The following FMN1 variants were observed in gnomAD, a reference collection of about 807,000 sequenced individuals.
FMN1 encodes formin-1.
FMN1 carries 110 observed loss-of-function variants against 132.4 expected under a neutral mutation model. The ratio of observed to expected loss-of-function variants is 0.83; its 90% CI spans 0.71 to 0.97. The LOEUF (loss-of-function observed/expected upper bound fraction) is 0.97. Ranked by LOEUF, FMN1 falls within the 50% of genes least tolerant of loss-of-function variation. FMN1 has a pLI of 0.00. For missense variants in FMN1, 1,792 were observed against 1,705.3 expected (o/e 1.05, Z -0.90); for synonymous variants, 722 against 651.7 (o/e 1.11, Z -1.64).
At chr15:32,961,254 C>T (rs2030505182) in intron 9 of FMN1, among the ~76,000 whole-genome samples, 1 of 151,606 alleles carries the variant, frequency 6.6e-6, no homozygotes, top group Admixed American at 6.6e-5. Context: ...CTGCCTCAGC[C>T]TCCCGAGTAG....
chr15:33,019,825 G>C (rs760873595), intron 6 of FMN1, among the ~76,000 whole-genome samples: 1 of 152,248 alleles, frequency 6.6e-6, no homozygotes. Flanking sequence ...CGCAAGCACC[G>C]CGTGCAGCCC....
intron 9 of FMN1, among the ~76,000 whole-genome samples, chr15:32,941,941 G>GCTTT (rs1392633659): frequency 6.6e-6 from 1 of 152,152 alleles, no homozygotes; most frequent in Non-Finnish European, 1.5e-5. Flanking sequence ...GCAGCACATG[G>GCTTT]CTTTCTCCTA....
rs560858406 is a variant in FMN1, at chr15:33,125,818, TTCA to T, written c.1867+27227_1867+27229del. ...CTGAGCCCTTCCTATTTTCATGTAG[TTCA>T]TCAAGAATGTGCTTCATCAGTAATA... On this transcript the variant is annotated intron_variant, in intron 4 of 20. Transcript: ENST00000616417. Among the ~76,000 whole-genome samples the T allele has an allele frequency of 1.6e-3, 241 of 152,372 alleles. 1 individual carries two copies. The highest frequency in any genetic ancestry group is 5.5e-3 in the African/African-American group (230 of 41,590).
intron 17 of FMN1, among the ~76,000 whole-genome samples, chr15:32,825,521 C>G (rs1250768217): frequency 1.3e-5 from 2 of 152,210 alleles, no homozygotes; most frequent in African/African-American, 4.8e-5. Context: ...TCTCCCTACT[C>G]TTTTAAAGTA....
At chr15:33,175,569 C>T (rs191029963) in intron 3 of FMN1, among the ~76,000 whole-genome samples, 90 of 152,274 alleles carry the variant, frequency 5.9e-4, no homozygotes, top group Admixed American at 2.4e-3. Context: ...TTCCCATTTC[C>T]TTTGCTTTTA....
rs935264361 is a variant in FMN1, at chr15:33,153,206, G to A, written c.1709C>T (p.Thr570Ile). 1.2e-5 allele frequency: 19 copies of A among 1,535,944 alleles called. No homozygotes were observed. The highest frequency in any genetic ancestry group is 1.6e-5 in the Non-Finnish European group (18 of 1,146,926). The change falls in exon 4 of 21, where the codon ACC becomes ATC. Residue 570 changes from threonine (T) to isoleucine (I), a missense_variant. Thr to Ile is a moderately conservative substitution (Grantham distance 89). Around this residue, in one of 3 missense-constraint regions of FMN1, gnomAD observed 1,150 missense variants for 1,043.1 expected, o/e 1.10. Transcript: ENST00000616417. ...RVFSGCVSAD[T>I]LEPPSSAKVT... is the part of the protein sequence containing the mutation. ...CTTTGCAGAGGATGGTGGCTCCAAG[G>A]TGTCAGCAGAGACGCACCCAGAGAA...
In FMN1 at chr15:33,098,941, C is replaced by T. The variant is rs147337368; in HGVS notation, c.1868-9967G>A. On this transcript the variant is annotated intron_variant, in intron 4 of 20. Transcript: ENST00000616417. ...TTGTTTTCTGGGGCCCTTCAATCTC[C>T]ACACAATCTCTTCAGTTATTTTCAT... Among the ~76,000 whole-genome samples the T allele has an allele frequency of 3.6e-3, 545 of 151,610 alleles. 5 individuals carry two copies. Among genetic ancestry groups the T allele is most frequent in the African/African-American group, 0.013 (530 of 40,916 alleles).
In FMN1 at chr15:32,768,136, C is replaced by T. The variant is rs2056108534; in HGVS notation, c.*6174G>A. On this transcript the variant is annotated 3_prime_UTR_variant, in exon 21 of 21. Transcript: ENST00000616417. The stretch of plus-strand genomic sequence containing the variant: ...TTTTATACATCTCCTATAAAGAAAT[C>T]TGGAATTCAAAATCCATGCTAAGAG... The T allele has an allele frequency of 6.6e-6, 1 of 152,132 alleles. No homozygotes were observed. Among genetic ancestry groups the T allele is most frequent in the South Asian group, 2.1e-4 (1 of 4,822 alleles). 9.4% of individuals were successfully genotyped at this position (152,132 alleles called of 1,614,324 possible).
intron 10 of FMN1, among the ~76,000 whole-genome samples, chr15:32,916,174 G>A (rs347947): frequency 0.016 from 2,379 of 152,258 alleles, 57 homozygotes; most frequent in African/African-American, 0.055. Context: ...GCCTGCTTTA[G>A]GGCACATGCA....
chr15:32,977,538 C>G (rs1331113717), intron 7 of FMN1, among the ~76,000 whole-genome samples: 2 of 152,302 alleles, frequency 1.3e-5, no homozygotes, highest in South Asian at 2.1e-4. Flanking sequence ...GTTACTTGCT[C>G]TTAGCCAATT....
chr15:32,844,147 CATT>C (rs66713177), intron 17 of FMN1, among the ~76,000 whole-genome samples: 79,906 of 151,736 alleles, frequency 0.53, 21,961 homozygotes, highest in Admixed American at 0.61. Flanking sequence ...AGCAAATTCT[CATT>C]ATTCTCCCAA....
At chr15:32,788,152 T>C (rs927626629) in intron 19 of FMN1, among the ~76,000 whole-genome samples, 1 of 152,198 alleles carries the variant, frequency 6.6e-6, no homozygotes, top group Non-Finnish European at 1.5e-5. Flanking sequence ...GGAGTTGAAG[T>C]TGGGGAGCCC....
intron 4 of FMN1, among the ~76,000 whole-genome samples, chr15:33,127,007 T>C (rs536371131): frequency 2.0e-5 from 3 of 152,188 alleles, no homozygotes; most frequent in African/African-American, 7.2e-5. Context: ...TGACTACATG[T>C]GGGAGTTTGA....
chr15:33,051,826 G>A (rs1013591109), intron 6 of FMN1, among the ~76,000 whole-genome samples: 43 of 152,156 alleles, frequency 2.8e-4, no homozygotes, highest in Non-Finnish European at 5.7e-4. Flanking sequence ...GGAGAAGGAC[G>A]CAAGACCCCG....
intron 7 of FMN1, among the ~76,000 whole-genome samples, chr15:32,986,357 A>G (rs187130974): frequency 1.2e-3 from 185 of 152,278 alleles, no homozygotes; most frequent in Middle Eastern, 3.4e-3. Flanking sequence ...AGCAAATTCT[A>G]AAACCCCACA....
chr15:33,182,882 T>C (rs1411921303), intron 2 of FMN1, among the ~76,000 whole-genome samples: 1 of 152,228 alleles, frequency 6.6e-6, no homozygotes, highest in East Asian at 1.9e-4. Flanking sequence ...GCAGGGATTA[T>C]GATAAACATT....
chr15:33,112,769 A>C (rs2039760475), intron 4 of FMN1, among the ~76,000 whole-genome samples: 1 of 152,188 alleles, frequency 6.6e-6, no homozygotes, highest in African/African-American at 2.4e-5. Context: ...GCTAGAGATC[A>C]CATGGGAAAT....
At chr15:32,821,751 A>C (rs958950321) in intron 17 of FMN1, among the ~76,000 whole-genome samples, 59 of 152,188 alleles carry the variant, frequency 3.9e-4, no homozygotes, top group Non-Finnish European at 3.1e-4. Flanking sequence ...CATCCGGCTA[A>C]TACTTAAATC....
intron 17 of FMN1, among the ~76,000 whole-genome samples, chr15:32,845,246 A>T (rs571319386): frequency 3.3e-5 from 5 of 152,236 alleles, no homozygotes; most frequent in Non-Finnish European, 7.3e-5. Context: ...GCAATTTATC[A>T]TGAGAACAAC....
Sources: gnomAD v4.1 joint callset for allele counts (sites outside exome capture counted in the v4.1 genomes callset) on GRCh38, gnomAD v4.1.1 for gene constraint, gnomAD v4.1.1 regional missense constraint, MANE v1.5 for transcripts, NCBI Gene and HGNC (gene_info 2026-07-23, HGNC 2026-07-21) for gene names.